CNTNAP2: variants seen among roughly 807,000 people sequenced by gnomAD.
CNTNAP2 encodes the protein contactin associated protein 2.
Under a neutral mutation model 155.2 loss-of-function variants are expected in CNTNAP2, and 98 were observed. The ratio of observed to expected loss-of-function variants is 0.63; its 90% confidence interval spans 0.54 to 0.75. CNTNAP2 has a LOEUF of 0.75. CNTNAP2 is among the 30% of genes least tolerant of loss of function. The pLI is 0.00. For missense variants in CNTNAP2, 1,727 were observed against 1,688.1 expected (o/e 1.02, Z -0.40); for synonymous variants, 651 against 631.2 (o/e 1.03, Z -0.47).
Position 147,338,873 on chromosome 7 carries a change from G to C in CNTNAP2, c.1498+38583G>C, listed in dbSNP as rs987601819. Among the ~76,000 whole-genome samples, 12 of 151,572 alleles carry C rather than the reference G, an allele frequency of 7.9e-5. 1 individual carries two copies. Among genetic ancestry groups the C allele is most frequent in the Non-Finnish European group, 1.5e-4 (10 of 67,988 alleles). On this transcript the variant is annotated intron_variant, in intron 9 of 23. Coordinates refer to ENST00000361727, the MANE Select transcript of CNTNAP2 (RefSeq NM_014141.6). ...CCAAACAGAAAATGGGGGTCTTGAA[G>C]AGGGCTGGGGGTAGGGGGAGCTCAT...
chr7:146,280,580 T>C (rs2129084782), intron 1 of CNTNAP2, among the ~76,000 whole-genome samples: 1 of 152,278 alleles, frequency 6.6e-6, no homozygotes, highest in Non-Finnish European at 1.5e-5. Context: ...AGTCTGAGCC[T>C]CAGTGATTCT....
At chr7:147,026,139 T>C (rs1462788392) in intron 3 of CNTNAP2, among the ~76,000 whole-genome samples, 1 of 152,136 alleles carries the variant, frequency 6.6e-6, no homozygotes, top group Non-Finnish European at 1.5e-5. Context: ...GGTGCCACCG[T>C]GCCCAGCCTG....
chr7:146,841,922 G>A (rs755386613), intron 3 of CNTNAP2, among the ~76,000 whole-genome samples: 19 of 146,360 alleles, frequency 1.3e-4, no homozygotes, highest in Admixed American at 5.5e-4. Flanking sequence ...TGCTCTTGTT[G>A]CCCAGGCTGG....
intron 3 of CNTNAP2, among the ~76,000 whole-genome samples, chr7:146,916,103 T>C (rs1003170909): frequency 6.6e-6 from 1 of 152,200 alleles, no homozygotes; most frequent in African/African-American, 2.4e-5. Context: ...AAATTCTGTT[T>C]ATGTGGTATA....
intron 8 of CNTNAP2, among the ~76,000 whole-genome samples, chr7:147,221,653 A>T (rs1021422543): frequency 6.6e-6 from 1 of 152,118 alleles, no homozygotes; most frequent in African/African-American, 2.4e-5. Context: ...AAAAATTTTA[A>T]TTTTATCTTT....
chr7:146,590,996 A>G (rs1798774372), intron 1 of CNTNAP2, among the ~76,000 whole-genome samples: 1 of 152,182 alleles, frequency 6.6e-6, no homozygotes, highest in African/African-American at 2.4e-5. Flanking sequence ...TTGGTAGCAT[A>G]TAAATTCAGA....
intron 15 of CNTNAP2, among the ~76,000 whole-genome samples, chr7:148,046,120 G>A (rs1802769735): frequency 6.6e-6 from 1 of 152,044 alleles, no homozygotes; most frequent in Non-Finnish European, 1.5e-5. Context: ...TCACTCTGTT[G>A]CCCAGGCTGG....
chr7:148,118,238 T>G lies in CNTNAP2; in HGVS notation c.2504T>G (p.Val835Gly). The G allele has an allele frequency of 6.2e-7, 1 of 1,613,954 alleles. No individual in the cohort carries two copies. Among genetic ancestry groups the G allele is most frequent in the Non-Finnish European group, 8.5e-7 (1 of 1,180,004 alleles). The change falls in exon 16 of 24, where the codon GTG becomes GGG. Residue 835 changes from valine (V) to glycine (G), a missense_variant. Coordinates refer to ENST00000361727, the MANE Select transcript of CNTNAP2 (RefSeq NM_014141.6). ...FYFKTLTPWG[V>G]FLENMGKEDF... ...TTCAAAACATTAACCCCCTGGGGAG[T>G]GTTTCTTGAAAATATGGGAAAGGAA...
rs147023025 is a variant in CNTNAP2, at chr7:147,148,649, GTTTC to G, written c.1348+16143_1348+16146del. Among the ~76,000 whole-genome samples the G allele has an allele frequency of 5.7e-3, 867 of 152,294 alleles. 11 individuals are homozygous for G. Among genetic ancestry groups the G allele is most frequent in the African/African-American group, 0.019 (801 of 41,572 alleles). ...CTTCTGATGTTCAGATGTGTCCGAA[GTTTC>G]TTCCTTCCTGTGGGTTCGTGGTCTC... is the stretch of plus-strand genomic sequence containing the variant. On this transcript the variant is annotated intron_variant, in intron 8 of 23. Coordinates refer to ENST00000361727, the MANE Select transcript of CNTNAP2 (RefSeq NM_014141.6).
chr7:147,731,874 G>T (rs1563068809), intron 13 of CNTNAP2, among the ~76,000 whole-genome samples: 1 of 152,060 alleles, frequency 6.6e-6, no homozygotes, highest in Non-Finnish European at 1.5e-5. Context: ...GACTTCGAGG[G>T]GTTCAAGACT....
chr7:146,785,756 C>T (rs1178073210), intron 2 of CNTNAP2, among the ~76,000 whole-genome samples: 2 of 152,096 alleles, frequency 1.3e-5, no homozygotes, highest in Admixed American at 1.3e-4. Context: ...TAGAGAATGG[C>T]CCTCTCATAT....
intron 3 of CNTNAP2, among the ~76,000 whole-genome samples, chr7:146,919,803 T>C (rs191136481): frequency 3.5e-4 from 53 of 152,294 alleles, no homozygotes; most frequent in South Asian, 2.1e-4. Context: ...ATGGAGCCTG[T>C]AGCAGCAGTC....
At chr7:148,068,458 A>G (rs566847143) in intron 15 of CNTNAP2, among the ~76,000 whole-genome samples, 9 of 152,314 alleles carry the variant, frequency 5.9e-5, no homozygotes, top group African/African-American at 2.2e-4. Context: ...CATGTTCCCC[A>G]GTGAGGGTAT....
At chr7:148,288,290 G>A (rs753920100) in intron 21 of CNTNAP2, among the ~76,000 whole-genome samples, 203 of 151,218 alleles carry the variant, frequency 1.3e-3, no homozygotes, top group Non-Finnish European at 1.9e-3. Context: ...TAGTAGAGGC[G>A]GGGTTTCACT....
At chr7:146,155,054 G>A (rs1167502757) in intron 1 of CNTNAP2, among the ~76,000 whole-genome samples, 3 of 152,128 alleles carry the variant, frequency 2.0e-5, no homozygotes, top group African/African-American at 7.2e-5. Context: ...CTTCAACAGA[G>A]TTTTATGGTA....
At chr7:146,253,481 G>A (rs1799788429) in intron 1 of CNTNAP2, among the ~76,000 whole-genome samples, 1 of 152,202 alleles carries the variant, frequency 6.6e-6, no homozygotes, top group Admixed American at 6.5e-5. Flanking sequence ...GCCCACACAA[G>A]TCTTCCACCC....
chr7:147,770,160 C>T (rs949353375), intron 13 of CNTNAP2, among the ~76,000 whole-genome samples: 1 of 152,204 alleles, frequency 6.6e-6, no homozygotes, highest in African/African-American at 2.4e-5. Flanking sequence ...GAATGTGGCT[C>T]TGCCACACCA....
At chr7:148,054,150 T>A (rs1319713708) in intron 15 of CNTNAP2, among the ~76,000 whole-genome samples, 1 of 152,032 alleles carries the variant, frequency 6.6e-6, no homozygotes, top group Non-Finnish European at 1.5e-5. Context: ...TTTTTTGTAT[T>A]TTTAGTAGAG....
At chr7:147,746,232 C>A (rs12703972) in intron 13 of CNTNAP2, among the ~76,000 whole-genome samples, 88,737 of 152,072 alleles carry the variant, frequency 0.58, 28,638 homozygotes, top group East Asian at 0.9. Context: ...TAGAAAAACT[C>A]TCTGATCCCC....
Sources: allele counts gnomAD v4.1 joint callset (sites outside exome capture counted in the v4.1 genomes callset), GRCh38; gene constraint gnomAD v4.1.1; transcripts MANE v1.5; gene names NCBI Gene and HGNC (gene_info 2026-07-23, HGNC 2026-07-21).